RAI14: variants seen among roughly 807,000 people sequenced by gnomAD.
RAI14 encodes ankycorbin.
Under a neutral mutation model 115.4 loss-of-function variants are expected in RAI14, and 45 were observed. That is an observed-to-expected ratio of 0.39 (90% CI 0.31 to 0.50). RAI14 has a LOEUF of 0.50. Ranked by LOEUF, RAI14 falls within the 20% of genes least tolerant of loss-of-function variation. RAI14 has a pLI of 0.85. For synonymous variants in RAI14, 371 were observed against 415.4 expected, an observed-to-expected ratio of 0.89 and a Z score of 1.30; for missense variants, 939 against 1,131.2, an observed-to-expected ratio of 0.83 and a Z score of 2.44.
At chr5:34,694,993 A>T (rs920444880) in intron 2 of RAI14, among the ~76,000 whole-genome samples, 5 of 152,078 alleles carry the variant, frequency 3.3e-5, no homozygotes, top group South Asian at 2.1e-4. Context: ...CTGCCTCTGG[A>T]GTTCAAGTGA....
chr5:34,757,417 C>CGGCTGTGGCCAGTGT (rs1561319371), intron 2 of RAI14, 51 bp from the exon 3 acceptor site: 2 of 1,598,118 alleles, frequency 1.3e-6, no homozygotes, highest in Non-Finnish European at 1.7e-6. Flanking sequence ...CTGGTCAGTG[C>CGGCTGTGGCCAGTGT]GGCTGTGGCC....
chr5:34,665,161 A>G lies in RAI14; in HGVS notation c.-49+8686A>G, dbSNP rs867633467. On this transcript the variant is annotated intron_variant, in intron 1 of 17. Transcript: ENST00000265109. ...TATATACACATATATATGTGTGTGT[A>G]TATATATATATACACACATATATAT... Among the ~76,000 whole-genome samples the G allele has an allele frequency of 3.4e-4, 10 of 29,006 alleles. 2 individuals are homozygous for G. Among genetic ancestry groups the G allele is most frequent in the African/African-American group, 6.0e-4 (5 of 8,278 alleles). The allele number at this position is 29,006 out of a possible 152,430, so 19.0% of individuals were successfully genotyped here. A position where few individuals can be genotyped will look rare whatever the true frequency, so the allele number is the denominator to read the frequency against.
rs142534923 is a variant in RAI14, at chr5:34,682,637, T to C, written c.-48-4235T>C. Among the ~76,000 whole-genome samples the C allele has an allele frequency of 5.1e-3, 773 of 152,268 alleles. 8 individuals carry two copies. Among genetic ancestry groups the C allele is most frequent in the African/African-American group, 0.018 (735 of 41,520 alleles). On this transcript the variant is annotated intron_variant, in intron 1 of 17. Transcript: ENST00000265109. Reference sequence around the variant, plus strand: ...TTCTGTGATGAGTGGTGGCCAGTGATGATTGGTGGCCAGTGATGGATGCCA... The same window carrying C: ...TTCTGTGATGAGTGGTGGCCAGTGACGATTGGTGGCCAGTGATGGATGCCA...
Position 34,777,900 on chromosome 5 carries a change from A to T in RAI14, c.168-18039A>T, listed in dbSNP as rs141424388. On this transcript the variant is annotated intron_variant, in intron 3 of 17. Transcript: ENST00000265109. The stretch of plus-strand genomic sequence containing the variant: ...GGGGGTGTGGATAAAGAGAGTAGAA[A>T]CATAGTTAGAGCTACAAATGAATAA... 3.9e-5 allele frequency among the ~76,000 whole-genome samples: 6 copies of T among 152,286 alleles called. No individual in the cohort carries two copies. In the East Asian group the frequency reaches 1.2e-3, roughly 29 times the overall value.
chr5:34,718,706 C>T (rs922467119), intron 2 of RAI14, among the ~76,000 whole-genome samples: 3 of 152,216 alleles, frequency 2.0e-5, no homozygotes, highest in African/African-American at 7.2e-5. Flanking sequence ...TCTACCACAT[C>T]CTGTATGATC....
At chr5:34,767,774 C>G (rs1328735996) in intron 3 of RAI14, among the ~76,000 whole-genome samples, 1 of 151,960 alleles carries the variant, frequency 6.6e-6, no homozygotes, top group Non-Finnish European at 1.5e-5. Context: ...TTCCTACGTA[C>G]TTGTCTGATT....
At position 34,767,440 on chromosome 5, in the gene RAI14, C is replaced by T. The variant is rs938456664; in HGVS notation, c.167+9842C>T. On this transcript the variant is annotated intron_variant, in intron 3 of 17. Coordinates refer to ENST00000265109, the MANE Select transcript of RAI14 (RefSeq NM_015577.3). ...CTCAGCCGCTATCACACTGGGGCTGCTGGAGCGGGAGATTCTCATGCTGAG... is the reference window on the plus strand; with the variant it reads ...CTCAGCCGCTATCACACTGGGGCTGTTGGAGCGGGAGATTCTCATGCTGAG... 1.2e-4 allele frequency among the ~76,000 whole-genome samples: 18 copies of T among 152,158 alleles called. 1 individual carries two copies. Among genetic ancestry groups the T allele is most frequent in the Admixed American group, 1.0e-3 (16 of 15,282 alleles).
chr5:34,747,315 C>T (rs916748561), intron 2 of RAI14, among the ~76,000 whole-genome samples: 2 of 152,218 alleles, frequency 1.3e-5, no homozygotes, highest in Non-Finnish European at 2.9e-5. Context: ...TAGTACAGCT[C>T]CTCGCACTGT....
At chr5:34,800,315 T>C (rs1485349826) in intron 4 of RAI14, among the ~76,000 whole-genome samples, 1 of 152,220 alleles carries the variant, frequency 6.6e-6, no homozygotes, top group Non-Finnish European at 1.5e-5. Context: ...TCCAAGACTC[T>C]TAATTTATAA....
At chr5:34,684,164 G>A (rs890611134) in intron 1 of RAI14, among the ~76,000 whole-genome samples, 3 of 152,134 alleles carry the variant, frequency 2.0e-5, no homozygotes, top group Non-Finnish European at 2.9e-5. Context: ...GTTTTGACGT[G>A]AAAAAAACAA....
intron 2 of RAI14, among the ~76,000 whole-genome samples, chr5:34,714,365 A>G (rs1256782454): frequency 6.6e-6 from 1 of 152,228 alleles, no homozygotes; most frequent in Non-Finnish European, 1.5e-5. Context: ...TTAGAGAAGA[A>G]ACCACATAAA....
At chr5:34,697,006 C>A (rs1028582861) in intron 2 of RAI14, among the ~76,000 whole-genome samples, 3 of 152,048 alleles carry the variant, frequency 2.0e-5, no homozygotes, top group Admixed American at 6.6e-5. Flanking sequence ...TGGCATGCAC[C>A]TGTAGTCCCA....
intron 3 of RAI14, among the ~76,000 whole-genome samples, chr5:34,782,363 C>T (rs1352852384): frequency 6.6e-6 from 1 of 152,126 alleles, no homozygotes; most frequent in Non-Finnish European, 1.5e-5. Flanking sequence ...TCCGCATCTG[C>T]AGACTATACA....
intron 2 of RAI14, among the ~76,000 whole-genome samples, chr5:34,714,988 A>G (rs1741823968): frequency 6.6e-6 from 1 of 152,114 alleles, no homozygotes; most frequent in African/African-American, 2.4e-5. Flanking sequence ...TGGGATCTCA[A>G]CCTCACCTGG....
intron 2 of RAI14, among the ~76,000 whole-genome samples, chr5:34,709,310 T>C (rs1741112252): frequency 6.6e-6 from 1 of 152,092 alleles, no homozygotes; most frequent in Admixed American, 6.5e-5. Context: ...TAGCTGGGCA[T>C]GGTGGCATGT....
chr5:34,748,990 A>G (rs536152082), intron 2 of RAI14, among the ~76,000 whole-genome samples: 1 of 152,290 alleles, frequency 6.6e-6, no homozygotes, highest in Non-Finnish European at 1.5e-5. Flanking sequence ...ACTGGTGGAT[A>G]TAGTCAACTG....
intron 2 of RAI14, among the ~76,000 whole-genome samples, chr5:34,742,519 CT>C (rs1243918050): frequency 6.6e-6 from 1 of 151,042 alleles, no homozygotes. Flanking sequence ...TAAACAATTG[CT>C]TTTTTTTTAA....
intron 2 of RAI14, among the ~76,000 whole-genome samples, chr5:34,743,653 C>A (rs1037356698): frequency 6.6e-6 from 1 of 152,192 alleles, no homozygotes; most frequent in Admixed American, 6.5e-5. Context: ...CCTACCCTAA[C>A]CTTGGGGTCC....
intron 10 of RAI14, 99 bp downstream of exon 10, chr5:34,812,307 AG>A: frequency 9.5e-7 from 1 of 1,051,874 alleles, no homozygotes; most frequent in Non-Finnish European, 1.4e-6. Context: ...AAAGTAATAA[AG>A]ACTATATTGA....
Sources: gnomAD v4.1 joint callset for allele counts (sites outside exome capture counted in the v4.1 genomes callset) on GRCh38, gnomAD v4.1.1 for gene constraint, MANE v1.5 for transcripts, NCBI Gene and HGNC (gene_info 2026-07-23, HGNC 2026-07-21) for gene names.